SMPD3: variants seen among roughly 807,000 people sequenced by gnomAD.
SMPD3 encodes nSMase-2.
A neutral mutation model predicts 55.7 loss-of-function variants in SMPD3; 21 were observed. The observed-to-expected ratio is 0.38, with a 90% CI of 0.27 to 0.54. The LOEUF (loss-of-function observed/expected upper bound fraction) is 0.54. SMPD3 is among the 20% of genes least tolerant of loss of function. The pLI, the probability that SMPD3 is intolerant of heterozygous loss-of-function variation, is 0.80. For missense variants in SMPD3, 842 were observed against 899.6 expected (o/e 0.94, Z 0.82); for synonymous variants, 457 against 404.3 (o/e 1.13, Z -1.56).
At chr16:68,416,095 G>A (rs1647019791) in intron 1 of SMPD3, among the ~76,000 whole-genome samples, 3 of 152,212 alleles carry the variant, frequency 2.0e-5, no homozygotes, top group Admixed American at 2.0e-4. Flanking sequence ...AACCTGGATG[G>A]AACTGTGGAT....
intron 2 of SMPD3, among the ~76,000 whole-genome samples, chr16:68,373,780 C>T (rs1269737614): frequency 2.0e-5 from 3 of 152,210 alleles, no homozygotes; most frequent in African/African-American, 7.2e-5. Context: ...CCTACTGGAA[C>T]TCCCTCAGCC....
intron 2 of SMPD3, among the ~76,000 whole-genome samples, chr16:68,385,076 C>T (rs908789974): frequency 2.0e-5 from 3 of 152,154 alleles, no homozygotes; most frequent in Non-Finnish European, 4.4e-5. Flanking sequence ...TCAGAGAAGG[C>T]GTCACCCAGC....
chr16:68,364,514 T>C (rs927119720), intron 5 of SMPD3: 12 of 525,280 alleles, frequency 2.3e-5, no homozygotes, highest in Middle Eastern at 5.0e-4. Flanking sequence ...CCCCCAGCCT[T>C]CCTTGTCAGA....
intron 1 of SMPD3, among the ~76,000 whole-genome samples, chr16:68,411,344 G>A (rs1343888021): frequency 1.3e-5 from 2 of 152,240 alleles, no homozygotes. Flanking sequence ...ACACTGCCTG[G>A]CCAGAGCTGG....
chr16:68,390,942 G>A lies in SMPD3; in HGVS notation c.-268-4283C>T, dbSNP rs146112078. On this transcript the variant is annotated intron_variant, in intron 1 of 8. Transcript: ENST00000219334. ...CCCTTCAAACCTCCTAGATCTCCAA[G>A]TAACACTACAGGGTGGTGAGTGGTT... Among the ~76,000 whole-genome samples the A allele has an allele frequency of 3.3e-5, 5 of 152,272 alleles. No homozygotes were observed. The East Asian group carries it at 7.7e-4, about 24-fold the overall frequency.
intron 1 of SMPD3, among the ~76,000 whole-genome samples, chr16:68,417,919 G>A (rs2090352176): frequency 6.6e-6 from 1 of 152,192 alleles, no homozygotes; most frequent in Non-Finnish European, 1.5e-5. Flanking sequence ...ACTTCTCTAA[G>A]CCCTAGTTTA....
rs372236134 is a variant in SMPD3, at chr16:68,404,140, C to T, written c.-268-17481G>A. Among the ~76,000 whole-genome samples the T allele has an allele frequency of 1.3e-5, 2 of 151,660 alleles. No homozygotes were observed. Among genetic ancestry groups the T allele is most frequent in the East Asian group, 1.9e-4 (1 of 5,162 alleles). ...AAGAGATCCTCCCACCTCAGCCTCCCGAGTAGCTGGGACTACTCAGTGCAC... is the reference window on the plus strand; with the variant it reads ...AAGAGATCCTCCCACCTCAGCCTCCTGAGTAGCTGGGACTACTCAGTGCAC... On this transcript the variant is annotated intron_variant, in intron 1 of 8. Transcript: ENST00000219334. The surrounding 1 kb of genome is among the most constrained non-coding windows in gnomAD (Gnocchi z 4.0).
intron 3 of SMPD3, 41 bp from the exon 4 acceptor site, chr16:68,365,133 T>C (rs767300453): frequency 6.2e-7 from 1 of 1,604,330 alleles, no homozygotes; most frequent in Non-Finnish European, 8.5e-7. Context: ...TGCCAGTCAC[T>C]GTGGCCCTGA....
At chr16:68,442,274 C>T (rs541317748) in intron 1 of SMPD3, among the ~76,000 whole-genome samples, 12 of 152,330 alleles carry the variant, frequency 7.9e-5, no homozygotes, top group South Asian at 2.1e-4. Context: ...CAACTTCCCT[C>T]GCTGTCTTTC....
Position 68,371,969 on chromosome 16 carries a change from C to G in SMPD3, c.213G>C (p.Leu71=), listed in dbSNP as rs768407798. 6.2e-7 allele frequency: 1 copy of G among 1,612,152 alleles called. No homozygotes were observed. The highest frequency in any genetic ancestry group is 8.5e-7 in the Non-Finnish European group (1 of 1,179,598). Residue 71 remains leucine, a synonymous_variant, in exon 3 of 9, where the codon CTG becomes CTC. Coordinates refer to ENST00000219334, the MANE Select transcript of SMPD3 (RefSeq NM_018667.4). ...GAAACGCAAAGGGCAGCGAGGCCAC[C>G]AGGAGGGCCAGGTAGATGGGCGTGA... ...ALFTPIYLAL[L]VASLPFAFLG...
chr16:68,383,787 C>T (rs1400877005), intron 2 of SMPD3, among the ~76,000 whole-genome samples: 1 of 152,162 alleles, frequency 6.6e-6, no homozygotes, highest in Non-Finnish European at 1.5e-5. Context: ...ATTACTCCTC[C>T]TCCCCCCACT....
intron 3 of SMPD3, among the ~76,000 whole-genome samples, chr16:68,370,604 C>G (rs532146826): frequency 1.5e-5 from 1 of 65,910 alleles, no homozygotes; most frequent in African/African-American, 1.4e-4. Flanking sequence ...GCTCAGAGAT[C>G]TGAGGAACGG....
intron 3 of SMPD3, among the ~76,000 whole-genome samples, chr16:68,366,400 G>C (rs2089478975): frequency 6.6e-6 from 1 of 152,170 alleles, no homozygotes; most frequent in Admixed American, 6.5e-5. Flanking sequence ...AGCACCTGGG[G>C]GTACGAACGT....
At chr16:68,428,794 C>T (rs761372054) in intron 1 of SMPD3, among the ~76,000 whole-genome samples, 9 of 152,130 alleles carry the variant, frequency 5.9e-5, no homozygotes, top group Non-Finnish European at 1.0e-4. Flanking sequence ...TGGTCCCTGC[C>T]TTAGAGAAGG....
At position 68,361,663 on chromosome 16, in the gene SMPD3, G is replaced by A. The variant is rs760980245; in HGVS notation, c.1806C>T (p.Asn602=). The A allele has an allele frequency of 7.4e-6, 12 of 1,612,218 alleles. 1 individual carries two copies. In the South Asian group the frequency reaches 8.8e-5, roughly 12 times the overall value. ...GCAGCATGTAGTCGATGCGCCGGCC[G>A]TTGCCCTTCAGCAGCTCCTTCCGCC... ...QKGRKELLKG[N]GRRIDYMLHA... is the part of the protein sequence containing the mutation. The change falls in exon 8 of 9, where the codon AAC becomes AAT. Residue 602 remains asparagine (N), a synonymous_variant. Coordinates refer to ENST00000219334, the MANE Select transcript of SMPD3 (RefSeq NM_018667.4).
chr16:68,433,714 A>G (rs890182029), intron 1 of SMPD3, among the ~76,000 whole-genome samples: 30 of 152,364 alleles, frequency 2.0e-4, no homozygotes, highest in African/African-American at 6.7e-4. Context: ...GACCTGGACG[A>G]GCGAAGAAGC....
intron 1 of SMPD3, among the ~76,000 whole-genome samples, chr16:68,446,019 C>T (rs556822610): frequency 1.1e-4 from 16 of 152,290 alleles, no homozygotes; most frequent in South Asian, 6.2e-4. Context: ...GCAACGTCAG[C>T]GCCATGCCCT....
chr16:68,437,917 A>G (rs1343615351), intron 1 of SMPD3, among the ~76,000 whole-genome samples: 1 of 152,244 alleles, frequency 6.6e-6, no homozygotes, highest in Non-Finnish European at 1.5e-5. Flanking sequence ...AATAAGCAGA[A>G]TGAATTCAAG....
At chr16:68,435,001 G>A (rs1190090072) in intron 1 of SMPD3, among the ~76,000 whole-genome samples, 1 of 152,248 alleles carries the variant, frequency 6.6e-6, no homozygotes, top group Admixed American at 6.5e-5. Flanking sequence ...GCAAGATGAA[G>A]GGATTGTCCA....
Sources: allele counts gnomAD v4.1 joint callset (sites outside exome capture counted in the v4.1 genomes callset), GRCh38; gene constraint gnomAD v4.1.1; non-coding constraint Gnocchi (gnomAD v3.1); transcripts MANE v1.5; gene names NCBI Gene and HGNC (gene_info 2026-07-23, HGNC 2026-07-21).